The following DNAH14 variants were observed in gnomAD, a reference collection of about 807,000 sequenced individuals.
DNAH14 encodes the protein dynein axonemal heavy chain 14.
Under a neutral mutation model 520.9 loss-of-function variants are expected in DNAH14, and 478 were observed. That is an observed-to-expected ratio of 0.92 (90% CI 0.85 to 0.99). DNAH14 has a LOEUF of 0.99. Ranked by LOEUF, DNAH14 falls within the 50% of genes least tolerant of loss-of-function variation. The pLI, the probability that DNAH14 is intolerant of heterozygous loss-of-function variation, is 0.00. For synonymous variants in DNAH14, 1,581 were observed against 1,757.2 expected, an observed-to-expected ratio of 0.90 and a Z score of 2.51; for missense variants, 4,831 against 5,234.5, an observed-to-expected ratio of 0.92 and a Z score of 2.38.
At position 225,266,664 on chromosome 1, in the gene DNAH14, G is replaced by T; in HGVS notation, c.7434G>T (p.Met2478Ile). Residue 2478 changes from methionine (M) to isoleucine (I), a missense_variant, in exon 49 of 86, where the codon ATG (methionine) becomes ATT (isoleucine). By Grantham distance (10) the Met-to-Ile change is conservative. Coordinates refer to ENST00000682510, the MANE Select transcript of DNAH14 (RefSeq NM_001367479.1). ...AGATTCTAATATTTATTGATGATAT[G>T]AATATGCCAGTATCAGATATGTATG... The part of the protein sequence containing the change: ...NNRILIFIDD[M>I]NMPVSDMYGA... 6.7e-7 allele frequency: 1 copy of T among 1,503,472 alleles called. No homozygotes were observed. Among genetic ancestry groups the T allele is most frequent in the Non-Finnish European group, 8.8e-7 (1 of 1,131,352 alleles). 93.1% of individuals were successfully genotyped at this position (1,503,472 alleles called of 1,614,324 possible). A position where few individuals can be genotyped will look rare whatever the true frequency, so the allele number is the denominator to read the frequency against.
chr1:225,146,319 A>G (rs1316134859), intron 30 of DNAH14, among the ~76,000 whole-genome samples: 4 of 152,170 alleles, frequency 2.6e-5, no homozygotes, highest in African/African-American at 9.7e-5. Context: ...TCTCGGTCTG[A>G]GGCTCTCACT....
chr1:225,193,713 T>C (rs981552771), intron 38 of DNAH14, among the ~76,000 whole-genome samples: 5 of 151,990 alleles, frequency 3.3e-5, no homozygotes, highest in East Asian at 1.9e-4. Flanking sequence ...AATCAGGCAA[T>C]AGAAGGAAAT....
Position 225,355,710 on chromosome 1 carries a change from GT to G in DNAH14, c.11619+1826del, listed in dbSNP as rs1374411727. Among the ~76,000 whole-genome samples the G allele has an allele frequency of 2.6e-5, 4 of 152,122 alleles. No homozygotes were observed. The East Asian group carries it at 7.7e-4, about 29-fold the overall frequency. ...TATCTTGAAGTGAGTTGTTTTCTGG[GT>G]TTTATTGTGATAAAATATAGATACA... On this transcript the variant is annotated intron_variant, in intron 73 of 85. Transcript: ENST00000682510.
chr1:225,192,158 T>G (rs895056546), intron 37 of DNAH14, among the ~76,000 whole-genome samples: 3 of 152,074 alleles, frequency 2.0e-5, no homozygotes, highest in African/African-American at 7.2e-5. Context: ...CCCTGAGGCC[T>G]TATATGGTCT....
In DNAH14 at chr1:225,256,903, T is replaced by TAA. The variant is rs59571521; in HGVS notation, c.6866-1048_6866-1047dup. 1.0e-4 allele frequency among the ~76,000 whole-genome samples: 15 copies of TAA among 149,432 alleles called. 1 individual carries two copies. In the South Asian group the frequency reaches 1.5e-3, roughly 15 times the overall value. On this transcript the variant is annotated intron_variant, in intron 44 of 85. Transcript: ENST00000682510. ...AAGACCAGGAGCCCATTTGCTATTTTAAAAAAAAAACAGATAAAGACAGAA... is the reference window on the plus strand; with the variant it reads ...AAGACCAGGAGCCCATTTGCTATTTTAAAAAAAAAAAACAGATAAAGACAGAA...
chr1:225,359,487 G>C (rs1464390770), intron 74 of DNAH14, among the ~76,000 whole-genome samples: 1 of 152,052 alleles, frequency 6.6e-6, no homozygotes, highest in Non-Finnish European at 1.5e-5. Flanking sequence ...CAGATCCGAA[G>C]TAAAATATTT....
At position 225,300,935 on chromosome 1, in the gene DNAH14, G is replaced by A; in HGVS notation, c.8536G>A (p.Val2846Ile). Residue 2846 changes from valine (V) to isoleucine (I), a missense_variant, in exon 56 of 86, where the codon GTT becomes ATT. Coordinates refer to ENST00000682510, the MANE Select transcript of DNAH14 (RefSeq NM_001367479.1). ...AAGAATACCTGACCTGTTTGAAAAT[G>A]TTGAGCTGGATTCTATTGCAATGAA... The part of the protein sequence containing the change: ...SGRIPDLFEN[V>I]ELDSIAMKIR... 6.4e-7 allele frequency: 1 copy of A among 1,551,436 alleles called. No homozygotes were observed. Among genetic ancestry groups the A allele is most frequent in the East Asian group, 2.4e-5 (1 of 40,878 alleles).
intron 23 of DNAH14, among the ~76,000 whole-genome samples, chr1:225,113,491 C>T (rs985074289): frequency 6.6e-6 from 1 of 152,156 alleles, no homozygotes; most frequent in Non-Finnish European, 1.5e-5. Flanking sequence ...TGGCTACCGC[C>T]TATGTTTGTT....
chr1:225,336,063 A>G (rs893772482), intron 66 of DNAH14, among the ~76,000 whole-genome samples: 4 of 145,960 alleles, frequency 2.7e-5, no homozygotes, highest in African/African-American at 1.0e-4. Flanking sequence ...ACATATATGT[A>G]TACATACATA....
chr1:225,305,143 C>G, intron 58 of DNAH14, 54 bp downstream of exon 58: 2 of 1,480,822 alleles, frequency 1.4e-6, no homozygotes, highest in Non-Finnish European at 1.8e-6. Flanking sequence ...TTTTTGTTTG[C>G]GAAAAGAGAC....
At chr1:225,368,695 C>A (rs1455704742) in intron 77 of DNAH14, among the ~76,000 whole-genome samples, 6 of 151,808 alleles carry the variant, frequency 4.0e-5, no homozygotes, top group African/African-American at 1.5e-4. Flanking sequence ...TATAATACAA[C>A]AATTTAAAAA....
At chr1:225,077,483 A>G (rs2072440219) in intron 17 of DNAH14, among the ~76,000 whole-genome samples, 1 of 105,466 alleles carries the variant, frequency 9.5e-6, no homozygotes, top group South Asian at 3.6e-4. Flanking sequence ...TGTGATATAA[A>G]TGTGTATTTC....
At chr1:225,148,625 C>T (rs2080185047) in intron 31 of DNAH14, among the ~76,000 whole-genome samples, 1 of 152,110 alleles carries the variant, frequency 6.6e-6, no homozygotes. Flanking sequence ...TGGTCTCAAA[C>T]TCCTGACCTT....
intron 55 of DNAH14, among the ~76,000 whole-genome samples, chr1:225,292,737 T>C (rs2093920658): frequency 6.6e-6 from 1 of 152,184 alleles, no homozygotes; most frequent in African/African-American, 2.4e-5. Flanking sequence ...GAACATGGGA[T>C]GTCTTTCCAT....
Position 225,140,879 on chromosome 1 carries a change from G to C in DNAH14, c.4366G>C (p.Asp1456His). 6.4e-7 allele frequency: 1 copy of C among 1,551,326 alleles called. No homozygotes were observed. Among genetic ancestry groups the C allele is most frequent in the Non-Finnish European group, 8.7e-7 (1 of 1,146,936 alleles). The change falls in exon 28 of 86, where the codon GAC becomes CAC. Residue 1456 changes from aspartate (D) to histidine (H), a missense_variant. By Grantham distance (81) the Asp-to-His change is moderately conservative. Transcript: ENST00000682510. ...GATGTGTCATCTAGAAGAGGTTGCA[G>C]ACCTGGTAGTGCTGGATACTAGTAA... ...GLMCHLEEVADLVVLDTSNSR... is the reference protein window; with the variant it reads ...GLMCHLEEVAHLVVLDTSNSR...
intron 30 of DNAH14, among the ~76,000 whole-genome samples, chr1:225,146,493 A>G (rs890986619): frequency 3.3e-5 from 5 of 152,220 alleles, no homozygotes; most frequent in African/African-American, 1.2e-4. Context: ...ATAGATTTCA[A>G]TCCCAGACTT....
In DNAH14 at chr1:225,153,818, G is replaced by A. The variant is rs926426241; in HGVS notation, c.5265G>A (p.Glu1755=). 3.4e-5 allele frequency: 52 copies of A among 1,549,272 alleles called. No homozygotes were observed. Among genetic ancestry groups the A allele is most frequent in the African/African-American group, 4.1e-5 (3 of 72,952 alleles). ...VLIMAGTKKR[E]FKCDTSDSLS... Reference sequence around the variant, plus strand: ...TAATGGCTGGAACGAAGAAACGGGAGTTTAAATGGTCAGTTGAATTTTGAA... The same window carrying A: ...TAATGGCTGGAACGAAGAAACGGGAATTTAAATGGTCAGTTGAATTTTGAA... The change falls in exon 34 of 86, where the codon GAG becomes GAA. Residue 1755 remains glutamate, a synonymous_variant. Coordinates refer to ENST00000682510, the MANE Select transcript of DNAH14 (RefSeq NM_001367479.1).
rs1280472756 is a variant in DNAH14 at position 224,954,992 on chromosome 1, T to C, written c.111T>C (p.Asp37=). ...GATATGAAGAGAAAAAATATGAAGA[T>C]GTGAAACCATTAGAGACTCAACCAG... ...LLRYEEKKYE[D]VKPLETQPAE... Residue 37 remains aspartate, a synonymous_variant, in exon 3 of 86, where the codon GAT becomes GAC. Transcript: ENST00000682510. The C allele has an allele frequency of 6.2e-7, 1 of 1,605,068 alleles. No individual in the cohort carries two copies. Among genetic ancestry groups the C allele is most frequent in the Admixed American group, 1.7e-5 (1 of 59,564 alleles).
intron 65 of DNAH14, 69 bp from the exon 66 acceptor site, chr1:225,333,222 C>A: frequency 1.6e-6 from 2 of 1,274,850 alleles, no homozygotes; most frequent in Non-Finnish European, 2.1e-6. Context: ...ACTTGGAAAT[C>A]ATTAATTTTA....
Sources: gnomAD v4.1 joint callset for allele counts (sites outside exome capture counted in the v4.1 genomes callset) on GRCh38, gnomAD v4.1.1 for gene constraint, MANE v1.5 for transcripts, NCBI Gene and HGNC (gene_info 2026-07-23, HGNC 2026-07-21) for gene names.